The following LHFPL3 variants were observed in gnomAD, a reference collection of about 807,000 sequenced individuals.
LHFPL3 encodes the protein LHFPL tetraspan subfamily member 3.
In LHFPL3, 5 loss-of-function variants were observed where a neutral mutation model predicts 19.3. The observed-to-expected ratio is 0.26, with a 90% CI of 0.14 to 0.54. LHFPL3 has a LOEUF of 0.54. Ranked by LOEUF, LHFPL3 falls within the 20% of genes least tolerant of loss-of-function variation. The pLI, the probability that LHFPL3 is intolerant of heterozygous loss-of-function variation, is 0.94. For synonymous variants in LHFPL3, 133 were observed against 126.2 expected (o/e 1.05, Z -0.36); for missense variants, 249 against 307.4 (o/e 0.81, Z 1.42).
intron 2 of LHFPL3, among the ~76,000 whole-genome samples, chr7:104,824,535 A>C (rs1790770741): frequency 1.4e-5 from 1 of 71,294 alleles, no homozygotes; most frequent in Non-Finnish European, 2.4e-5. Flanking sequence ...TATATATAAT[A>C]TATATAATTA....
intron 1 of LHFPL3, among the ~76,000 whole-genome samples, chr7:104,538,649 T>A (rs1172453622): frequency 1.3e-5 from 2 of 152,312 alleles, no homozygotes; most frequent in East Asian, 3.9e-4. Context: ...CATTTATTAT[T>A]TTTATTATAT....
intron 1 of LHFPL3, among the ~76,000 whole-genome samples, chr7:104,384,769 A>G (rs920984912): frequency 2.0e-5 from 3 of 150,588 alleles, no homozygotes; most frequent in African/African-American, 7.3e-5. Flanking sequence ...CCTAGGCAAC[A>G]AGAGTGAAAC....
At chr7:104,849,334 C>T (rs574861524) in intron 2 of LHFPL3, among the ~76,000 whole-genome samples, 57 of 152,306 alleles carry the variant, frequency 3.7e-4, no homozygotes, top group African/African-American at 1.4e-3. Flanking sequence ...AGAGGAAACC[C>T]CAAAACTAAC....
chr7:104,686,220 G>A (rs1420377336), intron 1 of LHFPL3, among the ~76,000 whole-genome samples: 2 of 152,158 alleles, frequency 1.3e-5, no homozygotes, highest in African/African-American at 4.8e-5. Context: ...AGATGGAAGA[G>A]TCCAGCCCCA....
At chr7:104,814,424 G>T (rs938825041) in intron 2 of LHFPL3, among the ~76,000 whole-genome samples, 2 of 152,158 alleles carry the variant, frequency 1.3e-5, no homozygotes, top group Non-Finnish European at 2.9e-5. Flanking sequence ...CATCTGCTCA[G>T]CTCTGGCTGA....
chr7:104,657,961 G>C lies in LHFPL3; in HGVS notation c.446-78714G>C, dbSNP rs146956810. 1.5e-3 allele frequency among the ~76,000 whole-genome samples: 235 copies of C among 152,248 alleles called. 3 individuals are homozygous for C. The highest frequency in any genetic ancestry group is 5.4e-3 in the African/African-American group (223 of 41,542). ...GTGATATGTGGGTCACCTTAATCAA[G>C]TATTTTTCCATAGATACCAGCACAA... On this transcript the variant is annotated intron_variant, in intron 1 of 2. Transcript: ENST00000424859.
intron 1 of LHFPL3, among the ~76,000 whole-genome samples, chr7:104,343,512 CAAAAAAAAAAA>C (rs536122769): frequency 4.2e-5 from 2 of 47,476 alleles, no homozygotes; most frequent in Non-Finnish European, 8.3e-5. Context: ...GACTCTGTCT[CAAAAAAAAAAA>C]AAAAAAAAAA....
chr7:104,504,906 T>C (rs978232536), intron 1 of LHFPL3, among the ~76,000 whole-genome samples: 1 of 152,200 alleles, frequency 6.6e-6, no homozygotes, highest in Non-Finnish European at 1.5e-5. Flanking sequence ...TGGCTAATCA[T>C]CAACAGTGGA....
intron 1 of LHFPL3, among the ~76,000 whole-genome samples, chr7:104,509,567 T>C (rs527807644): frequency 1.1e-3 from 165 of 151,358 alleles, no homozygotes; most frequent in Non-Finnish European, 1.9e-3. Flanking sequence ...CAGCAAAAAA[T>C]GTTAGAGTGA....
intron 2 of LHFPL3, among the ~76,000 whole-genome samples, chr7:104,848,891 G>GT (rs1584574160): frequency 1.3e-5 from 2 of 151,058 alleles, no homozygotes; most frequent in South Asian, 2.1e-4. Flanking sequence ...GCCTTTTTTT[G>GT]TTTTTTTGGT....
intron 1 of LHFPL3, among the ~76,000 whole-genome samples, chr7:104,443,048 A>G (rs545955781): frequency 3.3e-5 from 5 of 152,302 alleles, no homozygotes; most frequent in Middle Eastern, 3.4e-3. Context: ...AAGAGTACCA[A>G]TAGTTTATAC....
At chr7:104,477,912 C>T in intron 1 of LHFPL3, among the ~76,000 whole-genome samples, 1 of 152,084 alleles carries the variant, frequency 6.6e-6, no homozygotes, top group Admixed American at 6.5e-5. Context: ...AAAGGCTATC[C>T]AGACACGTGA....
At chr7:104,700,883 T>A (rs895540186) in intron 1 of LHFPL3, among the ~76,000 whole-genome samples, 1 of 152,192 alleles carries the variant, frequency 6.6e-6, no homozygotes, top group Non-Finnish European at 1.5e-5. Flanking sequence ...CATCCTCTTC[T>A]CCCTAACTGT....
chr7:104,630,722 C>A (rs1468326479), intron 1 of LHFPL3, among the ~76,000 whole-genome samples: 1 of 152,074 alleles, frequency 6.6e-6, no homozygotes, highest in Non-Finnish European at 1.5e-5. Context: ...AGCAGAAAAA[C>A]ACACAGTAGC....
At chr7:104,739,159 T>C (rs17568789) in intron 2 of LHFPL3, among the ~76,000 whole-genome samples, 37,726 of 151,992 alleles carry the variant, frequency 0.25, 4,882 homozygotes, top group South Asian at 0.44. Context: ...ATGGGATCTA[T>C]ACAAAATCAG....
chr7:104,561,254 G>A (rs532820934), intron 1 of LHFPL3, among the ~76,000 whole-genome samples: 98 of 148,604 alleles, frequency 6.6e-4, no homozygotes, highest in Non-Finnish European at 1.1e-3. Context: ...TTCCTGTCTC[G>A]TTGATCTGTC....
At chr7:104,877,959 G>A (rs1392083697) in intron 2 of LHFPL3, among the ~76,000 whole-genome samples, 3 of 151,666 alleles carry the variant, frequency 2.0e-5, no homozygotes, top group Non-Finnish European at 2.9e-5. Flanking sequence ...TCAGCCTCCC[G>A]AGTAGCTGGG....
At chr7:104,574,975 TGA>T (rs1790298059) in intron 1 of LHFPL3, among the ~76,000 whole-genome samples, 1 of 152,328 alleles carries the variant, frequency 6.6e-6, no homozygotes, top group African/African-American at 2.4e-5. Context: ...ATATAATCCA[TGA>T]GAGTTTCACT....
At chr7:104,428,142 G>C (rs1791884313) in intron 1 of LHFPL3, among the ~76,000 whole-genome samples, 1 of 152,100 alleles carries the variant, frequency 6.6e-6, no homozygotes, top group Admixed American at 6.6e-5. Context: ...TGCAGCCTTT[G>C]CCTAATAACA....
Sources: allele counts gnomAD v4.1 joint callset (sites outside exome capture counted in the v4.1 genomes callset), GRCh38; gene constraint gnomAD v4.1.1; transcripts MANE v1.5; gene names NCBI Gene and HGNC (gene_info 2026-07-23, HGNC 2026-07-21).